FRMD7: variants seen among roughly 807,000 people sequenced by gnomAD.
FRMD7 encodes FERM domain-containing protein 7.
A neutral mutation model predicts 44.1 loss-of-function variants in FRMD7; 14 were observed. The observed-to-expected ratio is 0.32, with a 90% CI of 0.21 to 0.50. The LOEUF (loss-of-function observed/expected upper bound fraction) is 0.50. Among genes scored for constraint, FRMD7 ranks in the 20% least tolerant of loss-of-function variants. The pLI, the probability that FRMD7 is intolerant of heterozygous loss-of-function variation, is 0.99. For missense variants in FRMD7, 501 were observed against 522.3 expected (o/e 0.96, Z 0.40); for synonymous variants, 212 against 187.4 (o/e 1.13, Z -1.07).
chrX:132,106,470 C>A (rs964319983), intron 1 of FRMD7, among the ~76,000 whole-genome samples: 17 of 111,895 alleles, frequency 1.5e-4, no homozygotes, highest in African/African-American at 4.5e-4. Flanking sequence ...TATGGCAATT[C>A]CTCAACAAGC....
intron 1 of FRMD7, among the ~76,000 whole-genome samples, chrX:132,112,349 G>A (rs1018492333): frequency 9.0e-6 from 1 of 111,378 alleles, no homozygotes; most frequent in African/African-American, 3.3e-5. Flanking sequence ...TTAGCATCTG[G>A]TGGAGAGCAA....
At chrX:132,123,777 G>C in intron 1 of FRMD7, among the ~76,000 whole-genome samples, 1 of 112,234 alleles carries the variant, frequency 8.9e-6, no homozygotes, top group Non-Finnish European at 1.9e-5. Flanking sequence ...CCCACTGCAT[G>C]GCCAGTACAA....
intron 1 of FRMD7, among the ~76,000 whole-genome samples, chrX:132,114,212 T>A (rs777798809): frequency 9.1e-4 from 102 of 111,722 alleles, no homozygotes; most frequent in African/African-American, 3.1e-3. Context: ...AGGTTGTGAA[T>A]TTCACAGAAA....
chrX:132,087,320 T>C (rs958406950), intron 5 of FRMD7, among the ~76,000 whole-genome samples: 1 of 111,401 alleles, frequency 9.0e-6, no homozygotes, highest in African/African-American at 3.3e-5. Context: ...AGACTCTCCA[T>C]GGAATCCTAT....
intron 9 of FRMD7, among the ~76,000 whole-genome samples, chrX:132,081,486 T>A (rs1435742488): frequency 8.8e-6 from 1 of 113,090 alleles, no homozygotes; most frequent in Non-Finnish European, 1.9e-5. Flanking sequence ...CTGCAAAAGA[T>A]CATATGTGAT....
intron 1 of FRMD7, among the ~76,000 whole-genome samples, chrX:132,123,166 G>C (rs746771035): frequency 1.8e-5 from 2 of 111,204 alleles, no homozygotes; most frequent in Admixed American, 1.9e-4. Flanking sequence ...TGTTCTTCTG[G>C]AAGTTTTTCC....
At chrX:132,093,359 A>G (rs1928236510) in intron 5 of FRMD7, among the ~76,000 whole-genome samples, 1 of 112,459 alleles carries the variant, frequency 8.9e-6, no homozygotes, top group African/African-American at 3.2e-5. Context: ...GAAAATGTCC[A>G]GCTGGCTTTA....
At chrX:132,118,809 C>A (rs1274373062) in intron 1 of FRMD7, among the ~76,000 whole-genome samples, 1 of 111,059 alleles carries the variant, frequency 9.0e-6, no homozygotes, top group African/African-American at 3.3e-5. Context: ...ACTCCACAGG[C>A]CTTTTCCTGC....
intron 5 of FRMD7, 146 bp downstream of exon 5, chrX:132,093,896 C>A (rs1928252814): frequency 9.9e-6 from 5 of 502,917 alleles, no homozygotes; most frequent in Middle Eastern, 7.1e-4. Context: ...CAGGCTCAGG[C>A]CATGCTGTTT....
chrX:132,105,645 C>T (rs1163011563), intron 1 of FRMD7, among the ~76,000 whole-genome samples: 1 of 111,799 alleles, frequency 8.9e-6, no homozygotes. Flanking sequence ...CAGCAGGGTA[C>T]TGGTACAAAA....
Position 132,085,288 on chromosome X carries a change from G to A in FRMD7, c.645+293C>T, listed in dbSNP as rs753880699. 1.3e-4 allele frequency among the ~76,000 whole-genome samples: 14 copies of A among 111,561 alleles called. No homozygotes were observed. The South Asian group carries it at 2.3e-3, about 18-fold the overall frequency. On this transcript the variant is annotated intron_variant, in intron 7 of 11. Transcript: ENST00000298542. ...TGTTTGTTCAACAGGTAATCTATTC[G>A]CGTGGTCTGAAAATCAGAGGTATAC...
chrX:132,104,699 C>T (rs1206013668), intron 1 of FRMD7, among the ~76,000 whole-genome samples: 1 of 111,039 alleles, frequency 9.0e-6, no homozygotes, highest in Non-Finnish European at 1.9e-5. Context: ...TCTCAAAAAA[C>T]CAAAAAAACA....
rs1247249496 is a variant in FRMD7 at position 132,078,450 on chromosome X, C to T, written c.1567G>A (p.Val523Ile). The change falls in exon 12 of 12, where the codon GTA becomes ATA. Residue 523 changes from valine to isoleucine, a missense_variant. Physicochemically the swap from Val to Ile is conservative, Grantham distance 29. Coordinates refer to ENST00000298542, the MANE Select transcript of FRMD7 (RefSeq NM_194277.3). ...GCTGGCTTCATTGCAGTGGGCTCTACATAGCTATGTGGACTTGTCCTTTCC... is the reference window on the plus strand; with the variant it reads ...GCTGGCTTCATTGCAGTGGGCTCTATATAGCTATGTGGACTTGTCCTTTCC... ...AEERTSPHSY[V>I]EPTAMKPAER... The T allele has an allele frequency of 7.4e-6, 9 of 1,209,471 alleles. No homozygotes were observed. Among genetic ancestry groups the T allele is most frequent in the Non-Finnish European group, 8.9e-6 (8 of 895,033 alleles).
At chrX:132,103,486 G>GTCTATCTATCTATCTATCTATCCA (rs1928561088) in intron 1 of FRMD7, among the ~76,000 whole-genome samples, 1 of 98,344 alleles carries the variant, frequency 1.0e-5, no homozygotes, top group African/African-American at 3.7e-5. Flanking sequence ...GCCTTTAAAT[G>GTCTATCTATCTATCTATCTATCCA]TCTATCTATC....
chrX:132,122,476 C>A (rs1929059095), intron 1 of FRMD7, among the ~76,000 whole-genome samples: 1 of 112,269 alleles, frequency 8.9e-6, no homozygotes, highest in Non-Finnish European at 1.9e-5. Context: ...GTGAATGGGG[C>A]CATCATCCCA....
chrX:132,120,880 T>C (rs1929017032), intron 1 of FRMD7, among the ~76,000 whole-genome samples: 1 of 112,335 alleles, frequency 8.9e-6, no homozygotes. Context: ...AACAAAGGCA[T>C]TCACCAAGCA....
At chrX:132,085,811 G>T in intron 6 of FRMD7, 83 bp from the exon 7 acceptor site, 1 of 1,065,560 alleles carries the variant, frequency 9.4e-7, no homozygotes, top group Non-Finnish European at 1.3e-6. Flanking sequence ...GGATCTCAGC[G>T]TTTCATGGAG....
At chrX:132,102,195 C>T (rs1039969662) in intron 1 of FRMD7, among the ~76,000 whole-genome samples, 2 of 110,969 alleles carry the variant, frequency 1.8e-5, no homozygotes, top group African/African-American at 6.6e-5. Flanking sequence ...CCGCTTCCCC[C>T]ACCGTCCAAA....
intron 11 of FRMD7, among the ~76,000 whole-genome samples, 194 bp from the exon 12 acceptor site, chrX:132,079,160 T>C (rs887180776): frequency 8.9e-6 from 1 of 112,413 alleles, no homozygotes; most frequent in African/African-American, 3.2e-5. Flanking sequence ...GTGCATGTGT[T>C]AAAAAGTACA....
Sources: allele counts gnomAD v4.1 joint callset (sites outside exome capture counted in the v4.1 genomes callset), GRCh38; gene constraint gnomAD v4.1.1; transcripts MANE v1.5; gene names NCBI Gene and HGNC (gene_info 2026-07-23, HGNC 2026-07-21).